The following G2E3 variants were observed in gnomAD, a reference collection of about 807,000 sequenced individuals.
The protein encoded by G2E3 is G2/M phase-specific E3 ubiquitin-protein ligase.
A neutral mutation model predicts 92.8 loss-of-function variants in G2E3; 35 were observed. The observed-to-expected ratio is 0.38, with a 90% confidence interval of 0.29 to 0.50. The LOEUF is 0.50. Ranked by LOEUF, G2E3 falls within the 20% of genes least tolerant of loss-of-function variation. The probability of loss-of-function intolerance (pLI) is 0.94; values close to 1 mark genes in which losing one functional copy is unlikely to be tolerated. For synonymous variants in G2E3, 242 were observed against 272.4 expected (o/e 0.89, Z 1.10); for missense variants, 554 against 823.8 (o/e 0.67, Z 4.01).
intron 3 of G2E3, among the ~76,000 whole-genome samples, chr14:30,588,602 A>C (rs983441349): frequency 2.0e-5 from 3 of 152,202 alleles, no homozygotes; most frequent in African/African-American, 7.2e-5. Context: ...ACAGAAAAGT[A>C]TAGTGATGTT....
At chr14:30,598,243 G>A (rs577438224) in intron 7 of G2E3, 10 of 347,434 alleles carry the variant, frequency 2.9e-5, no homozygotes, top group East Asian at 1.3e-4. Flanking sequence ...AAAACCAGCC[G>A]GGCATGGTGG....
At chr14:30,573,366 G>A (rs1879879090) in intron 1 of G2E3, 1 of 151,862 alleles carries the variant, frequency 6.6e-6, no homozygotes. Context: ...GGTAACATGG[G>A]TGTATTAGTC....
chr14:30,563,405 C>T (rs1005063480), intron 1 of G2E3, among the ~76,000 whole-genome samples: 7 of 152,114 alleles, frequency 4.6e-5, no homozygotes, highest in Admixed American at 2.6e-4. Context: ...TCCCATACCA[C>T]TTCCCCAACA....
At chr14:30,562,496 C>T (rs139869782) in intron 1 of G2E3, among the ~76,000 whole-genome samples, 5,274 of 152,246 alleles carry the variant, frequency 0.035, 122 homozygotes, top group Middle Eastern at 0.061. Context: ...CTAGCGGTAA[C>T]ACCAGCGTCT....
chr14:30,566,062 A>G (rs1156302809), intron 1 of G2E3, among the ~76,000 whole-genome samples: 1 of 152,142 alleles, frequency 6.6e-6, no homozygotes, highest in East Asian at 1.9e-4. Context: ...ATTGAAAATT[A>G]GTTTACTATA....
Position 30,601,812 on chromosome 14 carries a change from C to T in G2E3, c.795C>T (p.Gly265=). 6.2e-7 allele frequency: 1 copy of T among 1,613,732 alleles called. No individual in the cohort carries two copies. Among genetic ancestry groups the T allele is most frequent in the Non-Finnish European group, 8.5e-7 (1 of 1,179,702 alleles). The change falls in exon 9 of 15, where the codon GGC becomes GGT. Residue 265 remains glycine (G), a synonymous_variant. Coordinates refer to ENST00000206595, the MANE Select transcript of G2E3 (RefSeq NM_017769.5). ...IKRCQCCGSS[G]THLACSSLRS... ...GCTGTCAGTGTTGTGGTTCCAGTGGCACACATTTAGCCTGCTCCTCATTAC... is the reference window on the plus strand; with the variant it reads ...GCTGTCAGTGTTGTGGTTCCAGTGGTACACATTTAGCCTGCTCCTCATTAC...
At chr14:30,599,946 T>C (rs1052627248) in intron 8 of G2E3, among the ~76,000 whole-genome samples, 2 of 152,120 alleles carry the variant, frequency 1.3e-5, no homozygotes, top group African/African-American at 4.8e-5. Context: ...GATTACTCTT[T>C]TGTAATGTCA....
Position 30,607,880 on chromosome 14 carries a change from AT to A in G2E3, c.1319-5del. 6.5e-7 allele frequency: 1 copy of A among 1,531,024 alleles called. No homozygotes were observed. The highest frequency in any genetic ancestry group is 9.0e-7 in the Non-Finnish European group (1 of 1,110,584). 94.8% of individuals were successfully genotyped at this position (1,531,024 alleles called of 1,614,324 possible). ...GTGTATTTGATATATTTTCATCTGT[AT>A]TTACAGCTCTGAAAGAGAATCTTTA... On this transcript the variant is annotated splice_region_variant and splice_polypyrimidine_tract_variant and intron_variant, in intron 11 of 14. Transcript: ENST00000206595.
rs1378469524 is a variant in G2E3 at position 30,616,617 on chromosome 14, CT to C, written c.*86del. 6 of 1,003,096 alleles carry C rather than the reference CT, an allele frequency of 6.0e-6. 1 individual carries two copies. In the Admixed American group the frequency reaches 1.5e-4, roughly 25 times the overall value. The allele number at this position is 1,003,096 out of a possible 1,614,324, so 62.1% of individuals were successfully genotyped here. A position where few individuals can be genotyped will look rare whatever the true frequency, so the allele number is the denominator to read the frequency against. On this transcript the variant is annotated 3_prime_UTR_variant, in exon 15 of 15. Coordinates refer to ENST00000206595, the MANE Select transcript of G2E3 (RefSeq NM_017769.5). ...TATTTCACTAACCTTTTCATCATCA[CT>C]TTGAACAAACTAGTTAGCTTCTTGA... is the stretch of plus-strand genomic sequence containing the variant.
At chr14:30,573,437 G>A (rs200120983) in intron 1 of G2E3, 1 of 88,192 alleles carries the variant, frequency 1.1e-5, no homozygotes. Context: ...GTGTGCGTGT[G>A]TGTGTGTCTC....
chr14:30,582,204 A>G (rs1880472118), intron 2 of G2E3, among the ~76,000 whole-genome samples: 1 of 152,202 alleles, frequency 6.6e-6, no homozygotes, highest in Non-Finnish European at 1.5e-5. Flanking sequence ...CTTTATTTAC[A>G]TGAATGTATT....
Position 30,612,318 on chromosome 14 carries a change from A to G in G2E3, c.1612A>G (p.Met538Val). 1 of 1,606,756 alleles carries G rather than the reference A, an allele frequency of 6.2e-7. No homozygotes were observed. The highest frequency in any genetic ancestry group is 8.5e-7 in the Non-Finnish European group (1 of 1,174,092). ...RLITTLSDKY[M>V]LVKDILGYHV... ...TATAACGACATTAAGTGATAAATATATGTTAGTAAAAGACATACTTGGCTA... is the reference window on the plus strand; with the variant it reads ...TATAACGACATTAAGTGATAAATATGTGTTAGTAAAAGACATACTTGGCTA... The change falls in exon 13 of 15, where the codon ATG (methionine) becomes GTG (valine). Residue 538 changes from methionine to valine, a missense_variant. Around this residue, in one of 3 missense-constraint regions of G2E3, gnomAD observed 397 missense variants for 560.3 expected, o/e 0.71. Transcript: ENST00000206595.
rs755057513 is a variant in G2E3 at position 30,619,921 on chromosome 14, T to A, written c.*3387T>A. 6 of 152,226 alleles carry A rather than the reference T, an allele frequency of 3.9e-5. No homozygotes were observed. Among genetic ancestry groups the A allele is most frequent in the Non-Finnish European group, 8.8e-5 (6 of 68,030 alleles). 9.4% of individuals were successfully genotyped at this position (152,226 alleles called of 1,614,324 possible). ...ACGAAACTGAAAGATACAAGATTCC[T>A]TTACTCTCCACATTTGAGAGATCCT... On this transcript the variant is annotated 3_prime_UTR_variant, in exon 15 of 15. Coordinates refer to ENST00000206595, the MANE Select transcript of G2E3 (RefSeq NM_017769.5).
rs959217011 is a variant in G2E3, at chr14:30,616,133, T to C, written c.1865-145T>C. 14 of 624,622 alleles carry C rather than the reference T, an allele frequency of 2.2e-5. No individual in the cohort carries two copies. In the Admixed American group the frequency reaches 4.2e-4, roughly 19 times the overall value. The allele number at this position is 624,622 out of a possible 1,614,324, so 38.7% of individuals were successfully genotyped here. A position where few individuals can be genotyped will look rare whatever the true frequency, so the allele number is the denominator to read the frequency against. The stretch of plus-strand genomic sequence containing the variant: ...GTTTGCCTGTTACTACATCTGACTT[T>C]GTGATTTAGTTTGCCCAAAACAAAT... On this transcript the variant is annotated intron_variant, in intron 14 of 14. Transcript: ENST00000206595.
intron 11 of G2E3, among the ~76,000 whole-genome samples, chr14:30,606,779 A>G (rs892745792): frequency 6.6e-6 from 1 of 152,162 alleles, no homozygotes; most frequent in Non-Finnish European, 1.5e-5. Context: ...GTTGCTTTCA[A>G]CAATTTAAAA....
At chr14:30,611,342 A>T (rs113317388) in intron 12 of G2E3, 1 of 152,196 alleles carries the variant, frequency 6.6e-6, no homozygotes, top group Non-Finnish European at 1.5e-5. Flanking sequence ...AACTTAGGAG[A>T]TTTCAGCAGA....
intron 1 of G2E3, chr14:30,577,655 C>G (rs1880193524): frequency 6.6e-6 from 1 of 152,224 alleles, no homozygotes; most frequent in Non-Finnish European, 1.5e-5. Context: ...CAGCTGGCTT[C>G]CTCCATAGCA....
In G2E3 at chr14:30,559,189, C is replaced by G. The variant is rs17096909; in HGVS notation, c.-88C>G. 6.6e-6 allele frequency: 1 copy of G among 152,432 alleles called. No individual in the cohort carries two copies. The highest frequency in any genetic ancestry group is 1.5e-5 in the Non-Finnish European group (1 of 68,178). The allele number at this position is 152,432 out of a possible 1,614,324, so 9.4% of individuals were successfully genotyped here. ...GAATCCTGTGGGCCGTTGAATGTGG[C>G]TGCTCGCGGTCGGCGTGCCCCGACG... On this transcript the variant is annotated 5_prime_UTR_variant, in exon 1 of 15. Transcript: ENST00000206595.
At chr14:30,586,951 C>T (rs901360784) in intron 3 of G2E3, 136 bp downstream of exon 3, 17 of 399,346 alleles carry the variant, frequency 4.3e-5, no homozygotes, top group Non-Finnish European at 7.3e-5. Context: ...TAAAAATAGA[C>T]ATTTTGTTTT....
Sources: allele counts gnomAD v4.1 joint callset (sites outside exome capture counted in the v4.1 genomes callset), GRCh38; gene constraint gnomAD v4.1.1; regional missense constraint gnomAD v4.1.1; transcripts MANE v1.5; gene names NCBI Gene and HGNC (gene_info 2026-07-23, HGNC 2026-07-21).